Variants in STXBP5L observed in about 807,000 individuals in gnomAD.
STXBP5L encodes the protein syntaxin-binding protein 5-like.
A neutral mutation model predicts 144.5 loss-of-function variants in STXBP5L; 65 were observed. The ratio of observed to expected loss-of-function variants is 0.45; its 90% CI spans 0.37 to 0.55. STXBP5L has a LOEUF of 0.55. Ranked by LOEUF, STXBP5L falls within the 20% of genes least tolerant of loss-of-function variation. STXBP5L has a pLI of 0.00. For synonymous variants in STXBP5L, 505 were observed against 469.6 expected, an observed-to-expected ratio of 1.08 and a Z score of -0.97; for missense variants, 1,298 against 1,405.5, an observed-to-expected ratio of 0.92 and a Z score of 1.22.
intron 3 of STXBP5L, among the ~76,000 whole-genome samples, chr3:121,004,954 A>T (rs1287849902): frequency 6.6e-6 from 1 of 152,128 alleles, no homozygotes; most frequent in Non-Finnish European, 1.5e-5. Context: ...TCGGTTTGCC[A>T]GTATTTTGTT....
chr3:121,127,244 A>T (rs2044750562), intron 7 of STXBP5L, among the ~76,000 whole-genome samples: 1 of 152,118 alleles, frequency 6.6e-6, no homozygotes, highest in Admixed American at 6.6e-5. Flanking sequence ...GATAGGTCTC[A>T]TTTGTTAAAG....
chr3:121,094,531 C>G (rs189376580), intron 5 of STXBP5L, among the ~76,000 whole-genome samples: 4 of 151,902 alleles, frequency 2.6e-5, no homozygotes, highest in African/African-American at 7.3e-5. Flanking sequence ...ATGTAATGGC[C>G]TTCTTTGTCC....
intron 3 of STXBP5L, among the ~76,000 whole-genome samples, chr3:121,024,896 CT>C (rs916352373): frequency 6.6e-6 from 1 of 152,112 alleles, no homozygotes; most frequent in African/African-American, 2.4e-5. Flanking sequence ...CTATCATGCC[CT>C]GGTTTTTTGA....
At chr3:121,026,856 T>C (rs1050563441) in intron 3 of STXBP5L, among the ~76,000 whole-genome samples, 1 of 151,576 alleles carries the variant, frequency 6.6e-6, no homozygotes, top group South Asian at 2.1e-4. Context: ...TTAAAAAATA[T>C]ATATATATAG....
chr3:121,401,773 T>C lies in STXBP5L; in HGVS notation c.2588-5470T>C, dbSNP rs368186703. 8.2e-4 allele frequency among the ~76,000 whole-genome samples: 99 copies of C among 121,266 alleles called. 1 individual carries two copies. Among genetic ancestry groups the C allele is most frequent in the African/African-American group, 3.1e-3 (95 of 30,908 alleles). The allele number at this position is 121,266 out of a possible 152,430, so 79.6% of individuals were successfully genotyped here. ...GTCGGGGGAGGGGGGAGGGATAGCA[T>C]TGGGAGATATACCTAATGCTAGATG... On this transcript the variant is annotated intron_variant, in intron 22 of 26. Coordinates refer to ENST00000471454, the MANE Select transcript of STXBP5L (RefSeq NM_001308330.2).
intron 5 of STXBP5L, among the ~76,000 whole-genome samples, chr3:121,097,027 T>C (rs1339093248): frequency 6.6e-6 from 1 of 152,188 alleles, no homozygotes; most frequent in Non-Finnish European, 1.5e-5. Flanking sequence ...TGCCTTTTTT[T>C]CAGAGATGCC....
At chr3:121,318,385 A>G in intron 19 of STXBP5L, 90 bp from the exon 20 acceptor site, 1 of 854,094 alleles carries the variant, frequency 1.2e-6, no homozygotes, top group Non-Finnish European at 1.7e-6. Context: ...ACATAAAAAA[A>G]AGCCTTTTAA....
chr3:121,356,035 AT>A (rs1158443688), intron 20 of STXBP5L, among the ~76,000 whole-genome samples: 1 of 152,158 alleles, frequency 6.6e-6, no homozygotes, highest in African/African-American at 2.4e-5. Context: ...AGAACAGCAA[AT>A]ATTGCTGCCT....
intron 6 of STXBP5L, among the ~76,000 whole-genome samples, chr3:121,120,373 T>A (rs1195833903): frequency 1.3e-5 from 2 of 151,292 alleles, no homozygotes; most frequent in East Asian, 1.9e-4. Flanking sequence ...ATCTGTAAAC[T>A]TTTTATGAAG....
At chr3:121,265,860 A>G (rs1473279240) in intron 18 of STXBP5L, among the ~76,000 whole-genome samples, 1 of 152,166 alleles carries the variant, frequency 6.6e-6, no homozygotes, top group Non-Finnish European at 1.5e-5. Context: ...CTAGTTTATA[A>G]TAAACTAGAA....
At chr3:121,130,002 T>C (rs2044901199) in intron 7 of STXBP5L, among the ~76,000 whole-genome samples, 1 of 152,102 alleles carries the variant, frequency 6.6e-6, no homozygotes, top group South Asian at 2.1e-4. Context: ...GCTTTTGGAT[T>C]TGAATCATAG....
rs367688715 is a variant in STXBP5L at position 121,202,883 on chromosome 3, G to C, written c.878-3040G>C. 3.3e-5 allele frequency among the ~76,000 whole-genome samples: 5 copies of C among 151,832 alleles called. No individual in the cohort carries two copies. The East Asian group carries it at 7.7e-4, about 23-fold the overall frequency. ...AGTAGAGATTTCTTTATCCTACTTGGAGTTTATTGAAATTCTTAAAGCATA... is the reference window on the plus strand; with the variant it reads ...AGTAGAGATTTCTTTATCCTACTTGCAGTTTATTGAAATTCTTAAAGCATA... On this transcript the variant is annotated intron_variant, in intron 9 of 26. Transcript: ENST00000471454.
intron 19 of STXBP5L, among the ~76,000 whole-genome samples, chr3:121,313,373 C>T (rs1042410213): frequency 2.3e-5 from 3 of 129,694 alleles, no homozygotes; most frequent in Admixed American, 7.4e-5. Flanking sequence ...CCGGACTGGG[C>T]GGCTGGCCGG....
At chr3:121,412,621 T>G (rs912763240) in intron 23 of STXBP5L, among the ~76,000 whole-genome samples, 4 of 150,422 alleles carry the variant, frequency 2.7e-5, no homozygotes, top group Non-Finnish European at 5.9e-5. Flanking sequence ...CTCTTAAAGT[T>G]TAAGTGGTTT....
intron 10 of STXBP5L, among the ~76,000 whole-genome samples, chr3:121,206,211 T>C (rs1306096909): frequency 6.6e-6 from 1 of 152,218 alleles, no homozygotes; most frequent in Non-Finnish European, 1.5e-5. Flanking sequence ...ATTTCAGGAT[T>C]CTTAATGAAC....
chr3:121,300,779 G>C (rs1297952958), intron 19 of STXBP5L, among the ~76,000 whole-genome samples: 2 of 151,552 alleles, frequency 1.3e-5, no homozygotes, highest in Non-Finnish European at 2.9e-5. Context: ...AAAGATGATA[G>C]ACATAAACTT....
At chr3:121,262,367 C>T (rs1459451020) in intron 18 of STXBP5L, among the ~76,000 whole-genome samples, 2 of 152,198 alleles carry the variant, frequency 1.3e-5, no homozygotes, top group Admixed American at 6.5e-5. Context: ...TAGTGGCTTA[C>T]GCCTGTAATC....
chr3:121,102,267 A>C (rs930097731), intron 5 of STXBP5L, among the ~76,000 whole-genome samples: 18 of 152,236 alleles, frequency 1.2e-4, no homozygotes, highest in Admixed American at 1.2e-3. Context: ...AGTCCTAAGC[A>C]AAAAGAACAA....
chr3:121,017,431 C>G (rs1279940013), intron 3 of STXBP5L, among the ~76,000 whole-genome samples: 1 of 152,134 alleles, frequency 6.6e-6, no homozygotes, highest in African/African-American at 2.4e-5. Flanking sequence ...AGTGGAAGTC[C>G]TAGCTGTAAT....
Sources: gnomAD v4.1 joint callset for allele counts (sites outside exome capture counted in the v4.1 genomes callset) on GRCh38, gnomAD v4.1.1 for gene constraint, MANE v1.5 for transcripts, NCBI Gene and HGNC (gene_info 2026-07-23, HGNC 2026-07-21) for gene names.